TEX14: variants seen among roughly 807,000 people sequenced by gnomAD.
TEX14 encodes testis expressed 14, intercellular bridge forming factor.
In TEX14, 168 loss-of-function variants were observed where a neutral mutation model predicts 178.6. The observed-to-expected ratio is 0.94, with a 90% confidence interval of 0.83 to 1.07. The LOEUF (loss-of-function observed/expected upper bound fraction) is 1.07, where lower values mean the gene tolerates loss of function less well. TEX14 is among the 50% of genes least tolerant of loss of function. The pLI, the probability that TEX14 is intolerant of heterozygous loss-of-function variation, is 0.00. For synonymous variants in TEX14, 626 were observed against 634.1 expected, an observed-to-expected ratio of 0.99 and a Z score of 0.19; for missense variants, 1,730 against 1,753.6, an observed-to-expected ratio of 0.99 and a Z score of 0.24.
intron 1 of TEX14, among the ~76,000 whole-genome samples, chr17:58,656,182 G>A (rs866519591): frequency 2.6e-5 from 4 of 152,270 alleles, no homozygotes; most frequent in Middle Eastern, 3.4e-3. Context: ...AGTGGCTTAC[G>A]CCTGTAATCC....
chr17:58,621,592 TC>T, intron 5 of TEX14, 57 bp downstream of exon 5: 1 of 1,523,290 alleles, frequency 6.6e-7, no homozygotes, highest in East Asian at 2.3e-5. Flanking sequence ...GCTGCAGGGC[TC>T]CCACGAGGAA....
At chr17:58,661,339 T>C (rs1476095559) in intron 1 of TEX14, 1 of 895,694 alleles carries the variant, frequency 1.1e-6, no homozygotes, top group Non-Finnish European at 1.9e-6. Flanking sequence ...TGAGGGCTCC[T>C]TGAAACGCTG....
At chr17:58,623,039 T>G (rs761467766) in intron 3 of TEX14, 27 bp from the exon 4 acceptor site, 2 of 1,573,146 alleles carry the variant, frequency 1.3e-6, no homozygotes, top group Non-Finnish European at 1.7e-6. Flanking sequence ...GTACAATTGA[T>G]GTCCATGGCA....
At chr17:58,587,268 C>T (rs367786717) in intron 17 of TEX14, among the ~76,000 whole-genome samples, 1 of 152,126 alleles carries the variant, frequency 6.6e-6, no homozygotes, top group African/African-American at 2.4e-5. Context: ...ATTGTCATTT[C>T]CTATTAACAG....
At chr17:58,615,131 A>G (rs2045841838) in intron 8 of TEX14, 101 bp downstream of exon 8, 1 of 660,490 alleles carries the variant, frequency 1.5e-6, no homozygotes, top group South Asian at 1.9e-5. Context: ...TGAGACTGAG[A>G]GCAGCTGGAG....
chr17:58,666,665 A>C (rs1181216813), intron 1 of TEX14: 1 of 152,180 alleles, frequency 6.6e-6, no homozygotes, highest in African/African-American at 2.4e-5. Flanking sequence ...AACCACCTCC[A>C]TAATCACAGT....
intron 14 of TEX14, among the ~76,000 whole-genome samples, chr17:58,596,722 G>GAA (rs768612308): frequency 7.2e-6 from 1 of 139,310 alleles, no homozygotes; most frequent in Admixed American, 7.2e-5. Context: ...CATCTCTATG[G>GAA]AAAAAAAAAA....
At chr17:58,683,052 C>CA (rs1194798521) in intron 1 of TEX14, among the ~76,000 whole-genome samples, 3,919 of 52,894 alleles carry the variant, frequency 0.074, 80 homozygotes, top group Middle Eastern at 0.12. Context: ...GAGTCTGTCT[C>CA]AAAAAAAAAA....
intron 2 of TEX14, among the ~76,000 whole-genome samples, chr17:58,630,863 A>T (rs1049012437): frequency 7.9e-5 from 12 of 152,282 alleles, no homozygotes; most frequent in African/African-American, 2.9e-4. Flanking sequence ...GGGACTAAAG[A>T]TACTCTGTGT....
chr17:58,618,867 C>T (rs892495447), intron 5 of TEX14, among the ~76,000 whole-genome samples: 1 of 152,238 alleles, frequency 6.6e-6, no homozygotes, highest in Non-Finnish European at 1.5e-5. Flanking sequence ...TCCCAATTTA[C>T]ACCTGGTATC....
chr17:58,614,115 C>T (rs1380248363), intron 8 of TEX14, among the ~76,000 whole-genome samples: 3 of 152,166 alleles, frequency 2.0e-5, no homozygotes, highest in African/African-American at 7.2e-5. Flanking sequence ...GTATTCTTTG[C>T]ATACATCGTC....
chr17:58,670,455 G>A (rs768908165), intron 1 of TEX14, among the ~76,000 whole-genome samples: 6 of 151,742 alleles, frequency 4.0e-5, no homozygotes, highest in Non-Finnish European at 8.8e-5. Flanking sequence ...GCTTTGGGAA[G>A]GTAAGAATAA....
At chr17:58,658,224 C>G (rs2047010012) in intron 1 of TEX14, among the ~76,000 whole-genome samples, 1 of 152,124 alleles carries the variant, frequency 6.6e-6, no homozygotes, top group Non-Finnish European at 1.5e-5. Flanking sequence ...GTGAATTACT[C>G]TTTCTCTATT....
intron 28 of TEX14, chr17:58,564,125 G>A (rs2044348025): frequency 6.6e-6 from 1 of 152,066 alleles, no homozygotes; most frequent in African/African-American, 2.4e-5. Flanking sequence ...AAATAGTGTG[G>A]CAGTTCCTCA....
chr17:58,558,802 A>G (rs2044209486), intron 30 of TEX14, among the ~76,000 whole-genome samples: 2 of 152,196 alleles, frequency 1.3e-5, no homozygotes, highest in South Asian at 4.1e-4. Flanking sequence ...TCCATAAAAT[A>G]TGATTTATTA....
At chr17:58,570,616 C>CTTT (rs71143252) in intron 24 of TEX14, 132 bp from the exon 25 acceptor site, 36 of 87,956 alleles carry the variant, frequency 4.1e-4, no homozygotes, top group South Asian at 1.8e-3. Flanking sequence ...GGGAAGCCTC[C>CTTT]TTTTTTTTTT....
intron 1 of TEX14, among the ~76,000 whole-genome samples, chr17:58,690,206 G>A (rs1171122338): frequency 6.6e-6 from 1 of 151,528 alleles, no homozygotes; most frequent in South Asian, 2.1e-4. Flanking sequence ...TCGCTCTGTC[G>A]CCCAGATTGG....
chr17:58,563,621 T>TTATTTA (rs2044316392), intron 28 of TEX14, among the ~76,000 whole-genome samples: 1 of 46,472 alleles, frequency 2.2e-5, no homozygotes, highest in Non-Finnish European at 3.7e-5. Flanking sequence ...CATCTCTAAT[T>TTATTTA]TATATATATA....
At position 58,556,808 on chromosome 17, in the gene TEX14, G is replaced by T; in HGVS notation, c.*203C>A. 2.1e-6 allele frequency: 1 copy of T among 484,404 alleles called. No homozygotes were observed. Among genetic ancestry groups the T allele is most frequent in the Admixed American group, 3.6e-5 (1 of 27,722 alleles). The allele number at this position is 484,404 out of a possible 1,614,324, so 30.0% of individuals were successfully genotyped here. On this transcript the variant is annotated 3_prime_UTR_variant, in exon 32 of 32. Coordinates refer to ENST00000349033, the MANE Select transcript of TEX14 (RefSeq NM_031272.5). Reference sequence around the variant, plus strand: ...TATCAAAACTACCTCTCACTTTTCAGAAATCTGACTGAAAACAAATGGTTG... The same window carrying T: ...TATCAAAACTACCTCTCACTTTTCATAAATCTGACTGAAAACAAATGGTTG...
Sources: allele counts gnomAD v4.1 joint callset (sites outside exome capture counted in the v4.1 genomes callset), GRCh38; gene constraint gnomAD v4.1.1; transcripts MANE v1.5; gene names NCBI Gene and HGNC (gene_info 2026-07-23, HGNC 2026-07-21).